Variants in METTL15 observed in about 807,000 individuals in gnomAD.
METTL15 encodes the protein 12S rRNA N(4)-cytidine methyltransferase METTL15.
A neutral mutation model predicts 38.3 loss-of-function variants in METTL15; 34 were observed. The ratio of observed to expected loss-of-function variants is 0.89; its 90% CI spans 0.68 to 1.18. The LOEUF is 1.18. Among genes scored for constraint, METTL15 ranks in the 50% most tolerant of loss-of-function variants. The pLI, the probability that METTL15 is intolerant of heterozygous loss-of-function variation, is 0.00. For synonymous variants in METTL15, 162 were observed against 170.9 expected, an observed-to-expected ratio of 0.95 and a Z score of 0.41; for missense variants, 438 against 498.4, an observed-to-expected ratio of 0.88 and a Z score of 1.15.
At chr11:28,393,007 A>G (rs1224248978) in intron 5 of METTL15, among the ~76,000 whole-genome samples, 1 of 152,136 alleles carries the variant, frequency 6.6e-6, no homozygotes, top group Non-Finnish European at 1.5e-5. Context: ...AAAAAAAGCA[A>G]AACAGAACAT....
At chr11:28,278,488 A>G (rs1855925857) in intron 4 of METTL15, among the ~76,000 whole-genome samples, 1 of 152,194 alleles carries the variant, frequency 6.6e-6, no homozygotes. Context: ...TATTTGAGAA[A>G]ATCACATTTT....
intron 3 of METTL15, among the ~76,000 whole-genome samples, chr11:28,181,661 T>C (rs1428837983): frequency 2.6e-5 from 4 of 152,186 alleles, no homozygotes; most frequent in African/African-American, 4.8e-5. Flanking sequence ...CTATCATTGA[T>C]GGACATTTGG....
chr11:28,382,784 A>C (rs1352240380), intron 5 of METTL15, among the ~76,000 whole-genome samples: 2 of 151,912 alleles, frequency 1.3e-5, no homozygotes, highest in African/African-American at 4.8e-5. Flanking sequence ...GCAGTGAGCC[A>C]AGATAGCGCC....
intron 4 of METTL15, among the ~76,000 whole-genome samples, chr11:28,273,907 C>G (rs190013199): frequency 7.0e-4 from 107 of 152,100 alleles, no homozygotes; most frequent in African/African-American, 2.3e-3. Flanking sequence ...TGCAGATTTC[C>G]GTCTAATCAC....
intron 5 of METTL15, among the ~76,000 whole-genome samples, chr11:28,364,635 A>G (rs1850169489): frequency 6.6e-6 from 1 of 152,088 alleles, no homozygotes; most frequent in Non-Finnish European, 1.5e-5. Flanking sequence ...AAAGAGGGGT[A>G]TTTTGGCTTA....
intron 3 of METTL15, among the ~76,000 whole-genome samples, chr11:28,126,528 G>T (rs1051644710): frequency 2.0e-5 from 3 of 152,088 alleles, no homozygotes; most frequent in Admixed American, 6.6e-5. Context: ...GAAAAGAAAG[G>T]TCCTACAGAA....
intron 6 of METTL15, among the ~76,000 whole-genome samples, chr11:28,437,745 G>C (rs1426468204): frequency 6.6e-6 from 1 of 152,114 alleles, no homozygotes; most frequent in Non-Finnish European, 1.5e-5. Context: ...TTCTAGCTGG[G>C]TCTCTGACAC....
intron 6 of METTL15, among the ~76,000 whole-genome samples, chr11:28,307,279 A>G (rs1194178316): frequency 6.6e-6 from 1 of 151,918 alleles, no homozygotes; most frequent in African/African-American, 2.4e-5. Flanking sequence ...TTTCTTATCA[A>G]TTGGACTACA....
At chr11:28,201,286 G>C (rs1453902873) in intron 3 of METTL15, among the ~76,000 whole-genome samples, 1 of 152,008 alleles carries the variant, frequency 6.6e-6, no homozygotes, top group Non-Finnish European at 1.5e-5. Context: ...TGCTGGATTT[G>C]GTTTGCCAGT....
chr11:28,475,280 A>G (rs1851336428), intron 6 of METTL15, among the ~76,000 whole-genome samples: 1 of 152,214 alleles, frequency 6.6e-6, no homozygotes, highest in Non-Finnish European at 1.5e-5. Context: ...GATACTCTAA[A>G]TGATCAAATG....
chr11:28,316,731 G>T (rs768455732), intron 6 of METTL15, among the ~76,000 whole-genome samples: 8 of 152,120 alleles, frequency 5.3e-5, no homozygotes, highest in South Asian at 2.1e-4. Context: ...ATGGGGGTGG[G>T]TCTTTCCCGT....
At chr11:28,374,122 T>C (rs984965615) in intron 5 of METTL15, among the ~76,000 whole-genome samples, 8 of 152,182 alleles carry the variant, frequency 5.3e-5, no homozygotes, top group African/African-American at 1.9e-4. Context: ...TTTGTTCTTT[T>C]GGCTTAGGAT....
intron 5 of METTL15, among the ~76,000 whole-genome samples, chr11:28,370,679 A>T (rs1340946664): frequency 6.6e-6 from 1 of 152,038 alleles, no homozygotes; most frequent in Non-Finnish European, 1.5e-5. Flanking sequence ...CCAATGGTGT[A>T]CTAGGGTTTC....
chr11:28,371,394 A>T (rs2133375505), intron 5 of METTL15, among the ~76,000 whole-genome samples: 1 of 151,944 alleles, frequency 6.6e-6, no homozygotes, highest in Middle Eastern at 3.4e-3. Flanking sequence ...ATGTGTCTGT[A>T]TTTATTCCAG....
intron 6 of METTL15, among the ~76,000 whole-genome samples, chr11:28,522,270 G>A (rs561946973): frequency 2.0e-5 from 3 of 152,328 alleles, no homozygotes; most frequent in East Asian, 1.9e-4. Flanking sequence ...CCGGTGGGAT[G>A]TATGTATACA....
At chr11:28,395,051 T>C (rs1850554047) in intron 5 of METTL15, among the ~76,000 whole-genome samples, 1 of 152,114 alleles carries the variant, frequency 6.6e-6, no homozygotes, top group Non-Finnish European at 1.5e-5. Flanking sequence ...TAAAAATTAA[T>C]GAAATCAATT....
intron 5 of METTL15, among the ~76,000 whole-genome samples, chr11:28,363,555 G>A (rs1345688508): frequency 6.6e-6 from 1 of 152,118 alleles, no homozygotes; most frequent in African/African-American, 2.4e-5. Flanking sequence ...TTACCTTGTT[G>A]CTTTAAGTAC....
chr11:28,465,561 T>C (rs978319073), intron 6 of METTL15, among the ~76,000 whole-genome samples: 8 of 152,284 alleles, frequency 5.3e-5, no homozygotes, highest in Non-Finnish European at 8.8e-5. Context: ...CCAAACCTGC[T>C]CTGCATCCTA....
At chr11:28,236,681 A>T (rs572143826) in intron 4 of METTL15, among the ~76,000 whole-genome samples, 1 of 152,280 alleles carries the variant, frequency 6.6e-6, no homozygotes, top group East Asian at 1.9e-4. Flanking sequence ...TAGTTGATGC[A>T]GTTTCTTCCT....
Sources: allele counts gnomAD v4.1 joint callset (sites outside exome capture counted in the v4.1 genomes callset), GRCh38; gene constraint gnomAD v4.1.1; transcripts MANE v1.5; gene names NCBI Gene and HGNC (gene_info 2026-07-23, HGNC 2026-07-21).